GPR19: variants seen among roughly 807,000 people sequenced by gnomAD.
GPR19 encodes G protein-coupled receptor 19.
Under a neutral mutation model 28.5 loss-of-function variants are expected in GPR19, and 14 were observed. The ratio of observed to expected loss-of-function variants is 0.49; its 90% CI spans 0.32 to 0.77. The LOEUF (loss-of-function observed/expected upper bound fraction) is 0.77. Among genes scored for constraint, GPR19 ranks in the 30% least tolerant of loss-of-function variants. GPR19 has a pLI of 0.03. For synonymous variants in GPR19, 173 were observed against 184.1 expected (o/e 0.94, Z 0.49); for missense variants, 409 against 504.1 (o/e 0.81, Z 1.81).
At chr12:12,668,895 T>C (rs754461390) in intron 3 of GPR19, 1 of 152,202 alleles carries the variant, frequency 6.6e-6, no homozygotes, top group Non-Finnish European at 1.5e-5. Context: ...CTGGCCTTGT[T>C]TTACAAATGA....
At chr12:12,716,706 T>A in the GPR19 span, 1 of 982,336 alleles carries the variant, frequency 1.0e-6, no homozygotes, top group Non-Finnish European at 1.2e-6. Context: ...GGCTAATTTC[T>A]AAAAGAAAGA....
intron 3 of GPR19, among the ~76,000 whole-genome samples, chr12:12,676,429 T>C (rs1945931602): frequency 6.6e-6 from 1 of 151,806 alleles, no homozygotes; most frequent in African/African-American, 2.4e-5. Flanking sequence ...AGAGAGCTCA[T>C]CCTGAGAGTG....
chr12:12,664,492 T>C (rs1945730144), intron 3 of GPR19, among the ~76,000 whole-genome samples: 1 of 152,036 alleles, frequency 6.6e-6, no homozygotes, highest in Middle Eastern at 3.2e-3. Flanking sequence ...AATTAAAATT[T>C]TAAAAATTAA....
intron 2 of GPR19, among the ~76,000 whole-genome samples, chr12:12,690,391 T>G (rs1264318396): frequency 2.6e-5 from 4 of 152,270 alleles, no homozygotes; most frequent in Non-Finnish European, 5.9e-5. Flanking sequence ...TGAATCCCCT[T>G]AGGTTGAGAT....
At chr12:12,669,904 T>A (rs986816660) in intron 3 of GPR19, among the ~76,000 whole-genome samples, 1 of 152,200 alleles carries the variant, frequency 6.6e-6, no homozygotes, top group African/African-American at 2.4e-5. Flanking sequence ...TGTGCTTGTG[T>A]GTGTTTTATA....
At chr12:12,681,124 T>C (rs1425329089) in intron 3 of GPR19, among the ~76,000 whole-genome samples, 1 of 152,158 alleles carries the variant, frequency 6.6e-6, no homozygotes, top group Non-Finnish European at 1.5e-5. Context: ...AGCCATCCTC[T>C]CAGCACAACT....
chr12:12,681,666 C>T (rs962758236), intron 3 of GPR19, among the ~76,000 whole-genome samples: 7 of 152,148 alleles, frequency 4.6e-5, no homozygotes, highest in Non-Finnish European at 2.9e-5. Flanking sequence ...TTGTGCAGCT[C>T]GCTCAGCAGG....
At chr12:12,697,153 T>TAAGAAAAAAAAAAAAAAA (rs1946277431), upstream of GPR19, among the ~76,000 whole-genome samples, 1 of 48,846 alleles carries the variant, frequency 2.0e-5, no homozygotes, top group Admixed American at 3.8e-4. Context: ...TGAAGCGAAG[T>TAAGAAAAAAAAAAAAAAA]AAAAAAAAAA....
intron 2 of GPR19, among the ~76,000 whole-genome samples, chr12:12,693,736 T>C (rs1481979872): frequency 6.6e-6 from 1 of 152,244 alleles, no homozygotes; most frequent in Admixed American, 6.5e-5. Flanking sequence ...GGAGTCTTGC[T>C]CTATCACCTA....
chr12:12,692,993 C>A (rs1184151599), intron 2 of GPR19, among the ~76,000 whole-genome samples: 1 of 152,138 alleles, frequency 6.6e-6, no homozygotes, highest in Admixed American at 6.5e-5. Context: ...ATATTCTTGG[C>A]CATTATCACT....
intron 3 of GPR19, among the ~76,000 whole-genome samples, chr12:12,663,428 C>A (rs1311449975): frequency 9.6e-5 from 14 of 145,770 alleles, no homozygotes; most frequent in South Asian, 2.2e-4. Context: ...GACCCTATCT[C>A]AAAAAAAAAA....
intron 3 of GPR19, among the ~76,000 whole-genome samples, chr12:12,682,361 A>G (rs1168006020): frequency 6.6e-6 from 1 of 152,194 alleles, no homozygotes; most frequent in Non-Finnish European, 1.5e-5. Flanking sequence ...CTTACTACAC[A>G]TGTGTCTCCT....
At chr12:12,666,720 A>T (rs544289710) in intron 3 of GPR19, among the ~76,000 whole-genome samples, 3 of 152,326 alleles carry the variant, frequency 2.0e-5, no homozygotes, top group Admixed American at 1.3e-4. Context: ...ACTAAATTGG[A>T]TCTGTAAGGA....
chr12:12,712,702 G>C, the GPR19 span, among the ~76,000 whole-genome samples: 4 of 151,960 alleles, frequency 2.6e-5, no homozygotes, highest in African/African-American at 7.3e-5. Context: ...ACAATGTCTT[G>C]CTCTATCACC....
Position 12,661,588 on chromosome 12 carries a change from G to A in GPR19, c.861C>T (p.Leu287=). ...GAGCTACATGAAAAGGCAGCCAGGA[G>A]AGCAAAAACAACAGATTTAAAATGA... The part of the protein sequence containing the change: ...MFLILNLLFL[L]SWLPFHVAQL... Residue 287 remains leucine, a synonymous_variant, in exon 4 of 4, where the codon CTC becomes CTT. Coordinates refer to ENST00000651487, the MANE Select transcript of GPR19 (RefSeq NM_006143.3). The surrounding 1 kb of genome is among the most constrained non-coding windows in gnomAD (Gnocchi z 4.2). 1 of 1,614,046 alleles carries A rather than the reference G, an allele frequency of 6.2e-7. No individual in the cohort carries two copies. Among genetic ancestry groups the A allele is most frequent in the South Asian group, 1.1e-5 (1 of 91,076 alleles).
chr12:12,697,325 G>A (rs1028928283), upstream of GPR19, among the ~76,000 whole-genome samples: 2 of 152,014 alleles, frequency 1.3e-5, no homozygotes, highest in African/African-American at 4.8e-5. Context: ...CTTATAAAAT[G>A]AGATCTGATG....
At chr12:12,707,989 C>CTTTTTT in the GPR19 span, among the ~76,000 whole-genome samples, 117 of 62,470 alleles carry the variant, frequency 1.9e-3, 18 homozygotes, top group Non-Finnish European at 2.4e-3. Context: ...ATTTCCTATT[C>CTTTTTT]TTTTTTTTTT....
rs147036946 is a variant in GPR19 at position 12,692,608 on chromosome 12, C to T, written c.-180+2851G>A. On this transcript the variant is annotated intron_variant, in intron 2 of 3. Transcript: ENST00000651487. ...GATACCCTCATTTATAGAACCAGAA[C>T]CCCATACTGGTACAATATGAAAGTT... Among the ~76,000 whole-genome samples, 834 of 152,274 alleles carry T rather than the reference C, an allele frequency of 5.5e-3. 2 individuals carry two copies. The highest frequency in any genetic ancestry group is 8.6e-3 in the Non-Finnish European group (588 of 68,034).
At chr12:12,688,452 A>T (rs1946126398) in intron 2 of GPR19, 1 of 152,252 alleles carries the variant, frequency 6.6e-6, no homozygotes, top group Non-Finnish European at 1.5e-5. Context: ...CAAGAGAACT[A>T]GCATGGACTC....
Sources: allele counts gnomAD v4.1 joint callset (sites outside exome capture counted in the v4.1 genomes callset), GRCh38; gene constraint gnomAD v4.1.1; non-coding constraint Gnocchi (gnomAD v3.1); transcripts MANE v1.5; gene names NCBI Gene and HGNC (gene_info 2026-07-23, HGNC 2026-07-21).